CWF19L2: variants seen among roughly 807,000 people sequenced by gnomAD.
CWF19L2 encodes the protein CWF19 like cell cycle control factor 2, also known as CWF19-like protein 2.
In CWF19L2, 98 loss-of-function variants were observed where a neutral mutation model predicts 111.7. That is an observed-to-expected ratio of 0.88 (90% CI 0.75 to 1.04). CWF19L2 has a LOEUF of 1.04. Among genes scored for constraint, CWF19L2 ranks in the 50% least tolerant of loss-of-function variants. The probability of loss-of-function intolerance (pLI) is 0.00; values close to 1 mark genes in which losing one functional copy is unlikely to be tolerated. For synonymous variants in CWF19L2, 351 were observed against 342.9 expected, an observed-to-expected ratio of 1.02 and a Z score of -0.26; for missense variants, 1,101 against 1,051.4, an observed-to-expected ratio of 1.05 and a Z score of -0.65.
intron 14 of CWF19L2, among the ~76,000 whole-genome samples, chr11:107,338,599 T>C (rs1363068107): frequency 6.6e-5 from 10 of 152,078 alleles, no homozygotes; most frequent in Admixed American, 4.6e-4. Context: ...CCAGTGTGTG[T>C]TGTTCCCCAC....
At chr11:107,449,909 T>C (rs1861754502) in intron 3 of CWF19L2, among the ~76,000 whole-genome samples, 1 of 152,168 alleles carries the variant, frequency 6.6e-6, no homozygotes, top group Non-Finnish European at 1.5e-5. Flanking sequence ...AATTTTTCTA[T>C]ATACTGTCGA....
At chr11:107,436,952 A>G (rs1861549421) in intron 6 of CWF19L2, among the ~76,000 whole-genome samples, 1 of 152,196 alleles carries the variant, frequency 6.6e-6, no homozygotes, top group Non-Finnish European at 1.5e-5. Context: ...TAAACTCTAA[A>G]ATTGTACAAA....
chr11:107,421,434 A>T (rs1861301709), intron 8 of CWF19L2, among the ~76,000 whole-genome samples: 1 of 152,122 alleles, frequency 6.6e-6, no homozygotes, highest in South Asian at 2.1e-4. Flanking sequence ...AAAAACAATA[A>T]ATTCAGTGAA....
chr11:107,346,600 T>C (rs1428316610), intron 14 of CWF19L2, among the ~76,000 whole-genome samples: 2 of 152,104 alleles, frequency 1.3e-5, no homozygotes, highest in African/African-American at 4.8e-5. Flanking sequence ...TAAAAACAGA[T>C]GACTTAGAGG....
chr11:107,441,132 G>C (rs936489147), intron 5 of CWF19L2, among the ~76,000 whole-genome samples: 2 of 152,022 alleles, frequency 1.3e-5, no homozygotes, highest in Non-Finnish European at 2.9e-5. Flanking sequence ...AAATAAGCAT[G>C]CTTATTTTAC....
chr11:107,414,090 T>A (rs1450259466), intron 10 of CWF19L2, among the ~76,000 whole-genome samples: 2 of 152,224 alleles, frequency 1.3e-5, no homozygotes, highest in Non-Finnish European at 2.9e-5. Context: ...TCTTGATCTA[T>A]AAAACTGTAA....
intron 7 of CWF19L2, among the ~76,000 whole-genome samples, chr11:107,429,968 A>G (rs2135410197): frequency 6.6e-6 from 1 of 152,206 alleles, no homozygotes; most frequent in Non-Finnish European, 1.5e-5. Flanking sequence ...AAGGTAGTAA[A>G]TAAATGTAAG....
chr11:107,338,986 C>A (rs974735823), intron 14 of CWF19L2, among the ~76,000 whole-genome samples: 3 of 152,072 alleles, frequency 2.0e-5, no homozygotes, highest in Non-Finnish European at 2.9e-5. Context: ...TGAGGAATTG[C>A]CACACTGTTT....
chr11:107,415,151 C>CA (rs1327616441), intron 10 of CWF19L2, among the ~76,000 whole-genome samples: 1 of 152,178 alleles, frequency 6.6e-6, no homozygotes, highest in African/African-American at 2.4e-5. Context: ...TCCACTCCAG[C>CA]AACACCAGTC....
At chr11:107,404,254 T>C in intron 10 of CWF19L2, 1 of 778,750 alleles carries the variant, frequency 1.3e-6, no homozygotes, top group Non-Finnish European at 2.4e-6. Context: ...AATATTCTTG[T>C]TTTTCTTCAT....
intron 14 of CWF19L2, among the ~76,000 whole-genome samples, chr11:107,344,404 A>G (rs1449764818): frequency 1.3e-5 from 2 of 152,196 alleles, no homozygotes; most frequent in Non-Finnish European, 2.9e-5. Flanking sequence ...CTTCTAGGAC[A>G]GCTCTGCTGA....
intron 5 of CWF19L2, among the ~76,000 whole-genome samples, chr11:107,441,184 A>G (rs1298754126): frequency 6.6e-6 from 1 of 152,158 alleles, no homozygotes; most frequent in African/African-American, 2.4e-5. Flanking sequence ...AAATGGAAGT[A>G]TTTTCATGGT....
At chr11:107,401,870 GTA>G (rs1413044592) in intron 10 of CWF19L2, among the ~76,000 whole-genome samples, 1 of 152,138 alleles carries the variant, frequency 6.6e-6, no homozygotes, top group African/African-American at 2.4e-5. Context: ...CATGGTACTG[GTA>G]TAAAAATAGG....
In CWF19L2 at chr11:107,392,840, C is replaced by T; in HGVS notation, c.1673G>A (p.Trp558Ter). The T allele has an allele frequency of 6.3e-7, 1 of 1,593,654 alleles. No homozygotes were observed. The highest frequency in any genetic ancestry group is 2.3e-5 in the East Asian group (1 of 43,298). The change falls in exon 11 of 18, where the codon TGG (tryptophan) becomes TAG (stop). Residue 558 changes from tryptophan to a stop codon, truncating the protein, a stop_gained. Transcript: ENST00000282251. LOFTEE classifies it high-confidence loss of function. The part of the protein sequence containing the change: ...LVRTDQSGRV[W>*]PVNTPGKSLE... ...AGATTTTCCGGGTGTGTTCACAGGCCATACTCTTCCAGACTGATCTGTTCT... is the reference window on the plus strand; with the variant it reads ...AGATTTTCCGGGTGTGTTCACAGGCTATACTCTTCCAGACTGATCTGTTCT...
intron 9 of CWF19L2, among the ~76,000 whole-genome samples, chr11:107,417,045 A>C (rs1861236789): frequency 6.6e-6 from 1 of 152,228 alleles, no homozygotes; most frequent in South Asian, 2.1e-4. Context: ...GAGATAGAGC[A>C]GCATATGCAA....
intron 17 of CWF19L2, among the ~76,000 whole-genome samples, chr11:107,327,520 CT>C (rs1859778838): frequency 1.3e-5 from 2 of 152,104 alleles, no homozygotes; most frequent in South Asian, 4.1e-4. Flanking sequence ...TAGCAGAAAT[CT>C]TTTTTCATGA....
At chr11:107,373,617 T>G (rs148656793) in intron 12 of CWF19L2, among the ~76,000 whole-genome samples, 7 of 127,998 alleles carry the variant, frequency 5.5e-5, no homozygotes, top group Middle Eastern at 4.0e-3. Flanking sequence ...AAAACCCATC[T>G]GTACATCACC....
At position 107,326,920 on chromosome 11, in the gene CWF19L2, T is replaced by C. The variant is rs1859769497; in HGVS notation, c.2675A>G (p.Lys892Arg). The C allele has an allele frequency of 1.3e-6, 2 of 1,597,276 alleles. No homozygotes were observed. Among genetic ancestry groups the C allele is most frequent in the Admixed American group, 3.6e-5 (2 of 55,800 alleles). Residue 892 changes from lysine to arginine, a missense_variant, in exon 18 of 18, where the codon AAA becomes AGA. Transcript: ENST00000282251. The part of the protein sequence containing the change: ...WWKPYDFTKS[K>R]NY Reference sequence around the variant, plus strand: ...AATGGAAGGTACACCTCAATAGTTTTTACTTTTGGTGAAGTCATATGGTTT... The same window carrying C: ...AATGGAAGGTACACCTCAATAGTTTCTACTTTTGGTGAAGTCATATGGTTT...
intron 6 of CWF19L2, 131 bp from the exon 7 acceptor site, chr11:107,433,880 TTATATATATATATATATATATATATA>T (rs61304388): frequency 0.027 from 3,259 of 122,276 alleles, 171 homozygotes; most frequent in African/African-American, 0.095. Flanking sequence ...CTTTGGAATT[TTATATATATATATATATATATATATA>T]TATATATATA....
Sources: gnomAD v4.1 joint callset for allele counts (sites outside exome capture counted in the v4.1 genomes callset) on GRCh38, gnomAD v4.1.1 for gene constraint, MANE v1.5 for transcripts, NCBI Gene and HGNC (gene_info 2026-07-23, HGNC 2026-07-21) for gene names.